Variants in SPAG16 observed in about 807,000 individuals in gnomAD.
SPAG16 encodes sperm associated antigen 16.
In SPAG16, 86 loss-of-function variants were observed where a neutral mutation model predicts 80.4. The observed-to-expected ratio is 1.07, with a 90% CI of 0.90 to 1.28. The LOEUF is 1.28. SPAG16 is among the 50% of genes most tolerant of loss of function. The probability of loss-of-function intolerance (pLI) is 0.00; values close to 1 mark genes in which losing one functional copy is unlikely to be tolerated. For missense variants in SPAG16, 870 were observed against 765.3 expected (o/e 1.14, Z -1.61); for synonymous variants, 294 against 265.9 (o/e 1.11, Z -1.03).
intron 10 of SPAG16, among the ~76,000 whole-genome samples, chr2:213,643,724 C>T (rs116755055): frequency 0.013 from 1,813 of 140,712 alleles, 19 homozygotes; most frequent in South Asian, 0.036. Context: ...TTGTGTCTTA[C>T]GATTGTGTGT....
intron 12 of SPAG16, among the ~76,000 whole-genome samples, chr2:213,968,139 CTCTCT>C (rs1287056594): frequency 1.4e-5 from 2 of 146,228 alleles, no homozygotes; most frequent in African/African-American, 4.9e-5. Flanking sequence ...TTCTCTCTGT[CTCTCT>C]TCTCTTCTCT....
At chr2:214,405,538 G>A (rs1701948748) in intron 15 of SPAG16, among the ~76,000 whole-genome samples, 1 of 152,184 alleles carries the variant, frequency 6.6e-6, no homozygotes, top group Non-Finnish European at 1.5e-5. Context: ...GCTCATGCCT[G>A]TAATCCCAAC....
chr2:213,678,599 T>A (rs1335040763), intron 10 of SPAG16, among the ~76,000 whole-genome samples: 1 of 152,164 alleles, frequency 6.6e-6, no homozygotes, highest in East Asian at 1.9e-4. Context: ...GGAAACTGCC[T>A]TGTTTACTCT....
At chr2:214,047,025 G>T (rs956560151) in intron 13 of SPAG16, among the ~76,000 whole-genome samples, 1 of 151,764 alleles carries the variant, frequency 6.6e-6, no homozygotes, top group Non-Finnish European at 1.5e-5. Flanking sequence ...ATTGATACAA[G>T]AATTTGAAGA....
intron 10 of SPAG16, among the ~76,000 whole-genome samples, chr2:213,706,840 A>G (rs2065776732): frequency 1.3e-5 from 2 of 152,318 alleles, no homozygotes; most frequent in South Asian, 2.1e-4. Flanking sequence ...AGCTACAGAT[A>G]TATTTGAAGG....
At chr2:214,291,429 C>G (rs1193665136) in intron 15 of SPAG16, among the ~76,000 whole-genome samples, 1 of 147,756 alleles carries the variant, frequency 6.8e-6, no homozygotes, top group East Asian at 2.0e-4. Flanking sequence ...CCTCAGCCTC[C>G]CAAGTAGCTG....
intron 10 of SPAG16, among the ~76,000 whole-genome samples, chr2:213,664,699 A>G (rs528717005): frequency 1.3e-5 from 2 of 152,116 alleles, no homozygotes; most frequent in Admixed American, 1.3e-4. Context: ...ATACTCAAGG[A>G]TTCTTGGATT....
At position 214,207,392 on chromosome 2, in the gene SPAG16, T is replaced by C. The variant is rs569480439; in HGVS notation, c.1720+58126T>C. ...CATCTTCCACCAATAAAATTGATAA[T>C]TTACTTGATTATGTGCTCAGTAAAG... On this transcript the variant is annotated intron_variant, in intron 15 of 15. Coordinates refer to ENST00000331683, the MANE Select transcript of SPAG16 (RefSeq NM_024532.5). Among the ~76,000 whole-genome samples the C allele has an allele frequency of 1.3e-4, 20 of 152,320 alleles. No individual in the cohort carries two copies. In the East Asian group the frequency reaches 3.1e-3, roughly 23 times the overall value.
intron 10 of SPAG16, among the ~76,000 whole-genome samples, chr2:213,802,493 C>T (rs1000718098): frequency 4.6e-5 from 7 of 151,586 alleles, no homozygotes; most frequent in Non-Finnish European, 8.8e-5. Context: ...ATTGTATAAC[C>T]CAATAATTTT....
intron 9 of SPAG16, among the ~76,000 whole-genome samples, chr2:213,446,049 A>G (rs2071288852): frequency 6.6e-6 from 1 of 152,188 alleles, no homozygotes; most frequent in Non-Finnish European, 1.5e-5. Flanking sequence ...CTTACAACAT[A>G]GTCAAACCCT....
intron 10 of SPAG16, among the ~76,000 whole-genome samples, chr2:213,829,334 A>T (rs2073488546): frequency 6.6e-6 from 1 of 152,086 alleles, no homozygotes; most frequent in Non-Finnish European, 1.5e-5. Flanking sequence ...CATAAGGCTC[A>T]AGTGTCTCAT....
intron 9 of SPAG16, among the ~76,000 whole-genome samples, chr2:213,452,035 T>C (rs551928331): frequency 6.6e-6 from 1 of 152,156 alleles, no homozygotes; most frequent in Non-Finnish European, 1.5e-5. Context: ...AATGTGCTTA[T>C]TATGGCACAC....
chr2:213,971,901 T>A (rs527484006), intron 12 of SPAG16, among the ~76,000 whole-genome samples: 52 of 151,838 alleles, frequency 3.4e-4, no homozygotes, highest in African/African-American at 9.6e-4. Context: ...AGTACAGTCA[T>A]CCTGTTAAGT....
At chr2:214,109,466 A>T (rs1369880491) in intron 14 of SPAG16, among the ~76,000 whole-genome samples, 1 of 152,172 alleles carries the variant, frequency 6.6e-6, no homozygotes, top group African/African-American at 2.4e-5. Flanking sequence ...TTCTTTTCCA[A>T]TTAGCTATAA....
At chr2:213,919,879 T>C (rs2078131981) in intron 11 of SPAG16, among the ~76,000 whole-genome samples, 1 of 152,142 alleles carries the variant, frequency 6.6e-6, no homozygotes. Context: ...TCTAATACTG[T>C]CAGTAGGGTG....
intron 10 of SPAG16, among the ~76,000 whole-genome samples, chr2:213,497,546 A>G (rs2074547026): frequency 6.6e-6 from 1 of 151,750 alleles, no homozygotes; most frequent in Non-Finnish European, 1.5e-5. Flanking sequence ...CCAGTGTTTC[A>G]TAGACTCGGT....
intron 10 of SPAG16, among the ~76,000 whole-genome samples, chr2:213,766,330 C>A (rs2068936295): frequency 6.6e-6 from 1 of 152,210 alleles, no homozygotes; most frequent in South Asian, 2.1e-4. Flanking sequence ...CATGGTTGTA[C>A]AACCTTGTGA....
At chr2:213,786,006 TAA>T (rs769518490) in intron 10 of SPAG16, among the ~76,000 whole-genome samples, 3 of 140,738 alleles carry the variant, frequency 2.1e-5, no homozygotes, top group South Asian at 2.3e-4. Flanking sequence ...AAACTCCGTC[TAA>T]AAAAAAAAAA....
chr2:214,355,638 A>G (rs1698733333), intron 15 of SPAG16, among the ~76,000 whole-genome samples: 1 of 149,844 alleles, frequency 6.7e-6, no homozygotes. Flanking sequence ...ATCTAGAACT[A>G]GAAATACCAT....
Sources: allele counts gnomAD v4.1 joint callset (sites outside exome capture counted in the v4.1 genomes callset), GRCh38; gene constraint gnomAD v4.1.1; transcripts MANE v1.5; gene names NCBI Gene and HGNC (gene_info 2026-07-23, HGNC 2026-07-21).